The following ERICH5 variants were observed in gnomAD, a reference collection of about 807,000 sequenced individuals.
The protein encoded by ERICH5 is glutamate-rich protein 5.
In ERICH5, 24 loss-of-function variants were observed where a neutral mutation model predicts 28.0. The ratio of observed to expected loss-of-function variants is 0.86; its 90% CI spans 0.62 to 1.21. ERICH5 has a LOEUF of 1.21. ERICH5 is among the 50% of genes most tolerant of loss of function. The pLI is 0.00. For synonymous variants in ERICH5, 163 were observed against 157.6 expected (o/e 1.03, Z -0.25); for missense variants, 421 against 441.2 (o/e 0.95, Z 0.41).
intron 2 of ERICH5, among the ~76,000 whole-genome samples, chr8:98,091,324 G>A (rs1815378377): frequency 1.3e-5 from 2 of 151,476 alleles, no homozygotes; most frequent in South Asian, 4.2e-4. Context: ...GATAGTCTCT[G>A]TCCTCAAGGG....
chr8:98,068,592 A>G (rs1194153426), intron 1 of ERICH5, among the ~76,000 whole-genome samples: 1 of 152,196 alleles, frequency 6.6e-6, no homozygotes, highest in East Asian at 1.9e-4. Context: ...CTGAACACAA[A>G]GGTTTTATTG....
rs1032660457 is a variant in ERICH5 at position 98,089,909 on chromosome 8, C to A, written c.892C>A (p.Gln298Lys). The A allele has an allele frequency of 3.1e-6, 5 of 1,614,032 alleles. No homozygotes were observed. In the African/African-American group the frequency reaches 6.7e-5, roughly 22 times the overall value. The change falls in exon 2 of 3, where the codon CAG becomes AAG. Residue 298 changes from glutamine to lysine, a missense_variant. By Grantham distance (53) the Gln-to-Lys change is moderately conservative (BLOSUM62 1). Coordinates refer to ENST00000318528, the MANE Select transcript of ERICH5 (RefSeq NM_173549.3). ...TCCTGAAGGTCCAGGAAACATGGAG[C>A]AGATTCAACCTGAAGGAATAGTTGG... ...KTPEGPGNME[Q>K]IQPEGIVGSM...
intron 1 of ERICH5, among the ~76,000 whole-genome samples, chr8:98,079,808 G>A (rs1815141824): frequency 6.6e-6 from 1 of 152,150 alleles, no homozygotes. Flanking sequence ...CCAAAGTGCT[G>A]GGATTACAGG....
At position 98,093,361 on chromosome 8, in the gene ERICH5, T is replaced by C. The variant is rs1202179641; in HGVS notation, c.*28T>C. On this transcript the variant is annotated 3_prime_UTR_variant, in exon 3 of 3. Transcript: ENST00000318528. Reference sequence around the variant, plus strand: ...AGAAGAGTGAACCGACACAGTGTGTTATCATAGAGGAGACAAAAATGGTAG... The same window carrying C: ...AGAAGAGTGAACCGACACAGTGTGTCATCATAGAGGAGACAAAAATGGTAG... 1 of 1,519,096 alleles carries C rather than the reference T, an allele frequency of 6.6e-7. No homozygotes were observed. The highest frequency in any genetic ancestry group is 1.4e-5 in the African/African-American group (1 of 73,020). 94.1% of individuals were successfully genotyped at this position (1,519,096 alleles called of 1,614,324 possible).
rs1478908139 is a variant in ERICH5, at chr8:98,089,336, G to A, written c.319G>A (p.Gly107Arg). ...QSGSTEKTQP[G>R]EGLEESGPPQ... ...AGGGTCCACAGAAAAGACTCAGCCT[G>A]GAGAGGGACTGGAGGAATCTGGGCC... Residue 107 changes from glycine to arginine, a missense_variant, in exon 2 of 3, where the codon GGA (glycine) becomes AGA (arginine). Physicochemically the swap from Gly to Arg is moderately radical, Grantham distance 125. Coordinates refer to ENST00000318528, the MANE Select transcript of ERICH5 (RefSeq NM_173549.3). The A allele has an allele frequency of 1.9e-6, 3 of 1,614,254 alleles. No homozygotes were observed. The highest frequency in any genetic ancestry group is 2.2e-5 in the East Asian group (1 of 44,890).
intron 2 of ERICH5, among the ~76,000 whole-genome samples, chr8:98,091,993 C>CCCTTCCTTCCTTCCTT (rs377455843): frequency 0.11 from 6,004 of 55,038 alleles, 1,118 homozygotes; most frequent in Admixed American, 0.21. Flanking sequence ...TCTCTCTCTC[C>CCCTTCCTTCCTTCCTT]CCTTCCTTCC....
intron 2 of ERICH5, among the ~76,000 whole-genome samples, chr8:98,091,934 TTC>T (rs1815411688): frequency 1.9e-5 from 1 of 53,874 alleles, no homozygotes; most frequent in African/African-American, 6.8e-5. Flanking sequence ...TCTTTCTTTC[TTC>T]CTTTCTTTCT....
chr8:98,073,480 A>AATTTTTTTTTT (rs1563753467), intron 1 of ERICH5, among the ~76,000 whole-genome samples: 5 of 1,984 alleles, frequency 2.5e-3, no homozygotes, highest in Admixed American at 0.012. Context: ...ATATATATAT[A>AATTTTTTTTTT]TATATGTATA....
In ERICH5 at chr8:98,091,900, C is replaced by CTTTCTTTCTTTCTTTCTTTCTTTCTTT; in HGVS notation, c.1013-1321_1013-1320insTTTCTTTCTTTCTTTCTTTCTTTCTTT. ...TCTTTCTTTCTTTCTTTCTTTCTTT[C>CTTTCTTTCTTTCTTTCTTTCTTTCTTT]CTTTCTTTCTTTCTTTCTTCCTTTC... On this transcript the variant is annotated intron_variant, in intron 2 of 2. Coordinates refer to ENST00000318528, the MANE Select transcript of ERICH5 (RefSeq NM_173549.3). 3.9e-3 allele frequency among the ~76,000 whole-genome samples: 293 copies of CTTTCTTTCTTTCTTTCTTTCTTTCTTT among 74,578 alleles called. 2 individuals are homozygous for CTTTCTTTCTTTCTTTCTTTCTTTCTTT. The highest frequency in any genetic ancestry group is 7.6e-3 in the Middle Eastern group (1 of 132). 48.9% of individuals were successfully genotyped at this position (74,578 alleles called of 152,430 possible).
At chr8:98,088,635 G>A (rs755595797) in intron 1 of ERICH5, among the ~76,000 whole-genome samples, 8 of 152,164 alleles carry the variant, frequency 5.3e-5, no homozygotes, top group East Asian at 1.9e-4. Context: ...CAAGGACCTC[G>A]CATCATGAAA....
Position 98,073,454 on chromosome 8 carries a change from AT to A in ERICH5, c.58+8728del, listed in dbSNP as rs1814967849. On this transcript the variant is annotated intron_variant, in intron 1 of 2. Transcript: ENST00000318528. ...TCTCTATATATATATATATATATAT[AT>A]ATATGTATATATATATATATATATA... is the stretch of plus-strand genomic sequence containing the variant. 9.2e-4 allele frequency among the ~76,000 whole-genome samples: 9 copies of A among 9,760 alleles called. 3 individuals carry two copies. Among genetic ancestry groups the A allele is most frequent in the African/African-American group, 3.4e-3 (4 of 1,168 alleles). 6.4% of individuals were successfully genotyped at this position (9,760 alleles called of 152,430 possible).
intron 1 of ERICH5, among the ~76,000 whole-genome samples, chr8:98,085,420 C>T (rs1220440788): frequency 6.6e-6 from 1 of 152,058 alleles, no homozygotes; most frequent in African/African-American, 2.4e-5. Context: ...ACTTCGGCCT[C>T]CCAAAGTGCT....
At chr8:98,071,157 A>G (rs1225595961) in intron 1 of ERICH5, among the ~76,000 whole-genome samples, 2 of 152,146 alleles carry the variant, frequency 1.3e-5, no homozygotes, top group Non-Finnish European at 2.9e-5. Context: ...AGGACCCGTA[A>G]TCCCAGCTAC....
intron 1 of ERICH5, among the ~76,000 whole-genome samples, chr8:98,065,841 C>G (rs1300853164): frequency 6.6e-6 from 1 of 152,164 alleles, no homozygotes; most frequent in Non-Finnish European, 1.5e-5. Context: ...ATTGCAGTAA[C>G]AGAAATGTCT....
Position 98,079,665 on chromosome 8 carries a change from G to A in ERICH5, c.59-9411G>A, listed in dbSNP as rs183713639. 5.7e-4 allele frequency among the ~76,000 whole-genome samples: 87 copies of A among 152,168 alleles called. 1 individual carries two copies. The highest frequency in any genetic ancestry group is 6.8e-4 in the Non-Finnish European group (46 of 67,994). On this transcript the variant is annotated intron_variant, in intron 1 of 2. Transcript: ENST00000318528. ...AGTGATTCTCCTGCCTCGGCCTCCC[G>A]AGTAGCTGGGATTACAAGCATCCAC...
intron 1 of ERICH5, among the ~76,000 whole-genome samples, chr8:98,065,861 G>A (rs182557601): frequency 5.7e-4 from 87 of 152,306 alleles, no homozygotes; most frequent in Admixed American, 1.4e-3. Context: ...TTCCTCTGAT[G>A]TTGTTGGTAG....
intron 1 of ERICH5, among the ~76,000 whole-genome samples, chr8:98,065,042 C>T (rs1370933450): frequency 6.6e-6 from 1 of 152,214 alleles, no homozygotes; most frequent in Non-Finnish European, 1.5e-5. Flanking sequence ...GGCCCTAAGG[C>T]GGTTAGCCTC....
chr8:98,073,476 AT>A (rs1742554219), intron 1 of ERICH5, among the ~76,000 whole-genome samples: 1 of 2,006 alleles, frequency 5.0e-4, no homozygotes. Flanking sequence ...ATATATATAT[AT>A]ATATATATGT....
intron 2 of ERICH5, among the ~76,000 whole-genome samples, chr8:98,091,331 A>G (rs1468781181): frequency 6.6e-6 from 1 of 151,368 alleles, no homozygotes; most frequent in Admixed American, 6.6e-5. Flanking sequence ...TCTGTCCTCA[A>G]GGGGCTCACT....
Sources: gnomAD v4.1 joint callset for allele counts (sites outside exome capture counted in the v4.1 genomes callset) on GRCh38, gnomAD v4.1.1 for gene constraint, MANE v1.5 for transcripts, NCBI Gene and HGNC (gene_info 2026-07-23, HGNC 2026-07-21) for gene names.